Variants in STAC observed in about 807,000 individuals in gnomAD.
STAC encodes SH3 and cysteine rich domain, also known as SH3 and cysteine-rich domain-containing protein.
In STAC, 43 loss-of-function variants were observed where a neutral mutation model predicts 48.8. The ratio of observed to expected loss-of-function variants is 0.88; its 90% CI spans 0.69 to 1.14. The LOEUF is 1.14. Among genes scored for constraint, STAC ranks in the 50% most tolerant of loss-of-function variants. The pLI is 0.00. For synonymous variants in STAC, 193 were observed against 179.5 expected (o/e 1.07, Z -0.60); for missense variants, 497 against 504.0 (o/e 0.99, Z 0.13).
chr3:36,546,364 C>A lies in STAC; in HGVS notation c.*75C>A. ...CTGCCTCATCTCACACTGCGTCAAC[C>A]CAAAGGAGCTGCCGCACTGACCCAG... On this transcript the variant is annotated 3_prime_UTR_variant, in exon 11 of 11. Coordinates refer to ENST00000273183, the MANE Select transcript of STAC (RefSeq NM_003149.3). 3.8e-6 allele frequency: 5 copies of A among 1,319,176 alleles called. No individual in the cohort carries two copies. Among genetic ancestry groups the A allele is most frequent in the Non-Finnish European group, 5.5e-6 (5 of 913,592 alleles). 81.7% of individuals were successfully genotyped at this position (1,319,176 alleles called of 1,614,324 possible). A position where few individuals can be genotyped will look rare whatever the true frequency, so the allele number is the denominator to read the frequency against.
intron 1 of STAC, among the ~76,000 whole-genome samples, chr3:36,416,225 A>G (rs1044953483): frequency 2.0e-5 from 3 of 152,128 alleles, no homozygotes; most frequent in African/African-American, 7.2e-5. Flanking sequence ...AATCTTAGCT[A>G]CTCTGGAAGC....
At chr3:36,454,967 C>T (rs1160104808) in intron 2 of STAC, among the ~76,000 whole-genome samples, 2 of 152,056 alleles carry the variant, frequency 1.3e-5, no homozygotes, top group Non-Finnish European at 2.9e-5. Flanking sequence ...TTTTTCCTGC[C>T]CCTAAAAAGA....
At chr3:36,424,722 G>A in intron 1 of STAC, among the ~76,000 whole-genome samples, 1 of 152,042 alleles carries the variant, frequency 6.6e-6, no homozygotes, top group East Asian at 1.9e-4. Flanking sequence ...TGGGGAAAGG[G>A]GCATGCCAAA....
intron 2 of STAC, among the ~76,000 whole-genome samples, chr3:36,480,081 A>G (rs1384263416): frequency 6.6e-6 from 1 of 152,230 alleles, no homozygotes; most frequent in Non-Finnish European, 1.5e-5. Context: ...TGAATAAAAT[A>G]TATATATTTT....
At chr3:36,383,346 T>C (rs73054112) in intron 1 of STAC, among the ~76,000 whole-genome samples, 1 of 151,976 alleles carries the variant, frequency 6.6e-6, no homozygotes, top group African/African-American at 2.4e-5. Flanking sequence ...AAATTTATTA[T>C]GGAAAATTTT....
Position 36,515,039 on chromosome 3 carries a change from A to AAATAATAAT in STAC, c.920+9225_920+9233dup, listed in dbSNP as rs142944670. Among the ~76,000 whole-genome samples the AAATAATAAT allele has an allele frequency of 5.5e-3, 809 of 147,848 alleles. 6 individuals are homozygous for AAATAATAAT. Among genetic ancestry groups the AAATAATAAT allele is most frequent in the African/African-American group, 0.017 (687 of 39,970 alleles). ...GGTGACAGAGCAAGACTCTGTCTCC[A>AAATAATAAT]AATAATAATAATAATAATAATAATA... On this transcript the variant is annotated intron_variant, in intron 8 of 10. Coordinates refer to ENST00000273183, the MANE Select transcript of STAC (RefSeq NM_003149.3).
intron 1 of STAC, among the ~76,000 whole-genome samples, chr3:36,415,458 A>G (rs1175901018): frequency 6.6e-6 from 1 of 152,140 alleles, no homozygotes; most frequent in African/African-American, 2.4e-5. Context: ...GGCGTGGGAT[A>G]TAATCTCCTG....
At chr3:36,403,809 C>A (rs114357051) in intron 1 of STAC, among the ~76,000 whole-genome samples, 280 of 152,154 alleles carry the variant, frequency 1.8e-3, no homozygotes, top group Non-Finnish European at 3.3e-3. Flanking sequence ...AGATTCTGAG[C>A]AGAAAGTCTA....
intron 3 of STAC, among the ~76,000 whole-genome samples, chr3:36,483,729 A>G (rs1413651253): frequency 6.6e-6 from 1 of 152,190 alleles, no homozygotes; most frequent in Non-Finnish European, 1.5e-5. Context: ...AGGTGGGTTG[A>G]TCCCTTAAGC....
intron 1 of STAC, among the ~76,000 whole-genome samples, chr3:36,392,832 C>T (rs564692019): frequency 1.3e-5 from 2 of 152,306 alleles, no homozygotes; most frequent in East Asian, 1.9e-4. Context: ...TCAGCAGTCA[C>T]CTCCCAATCC....
At chr3:36,459,400 G>A (rs1175948954) in intron 2 of STAC, 1 of 152,126 alleles carries the variant, frequency 6.6e-6, no homozygotes, top group African/African-American at 2.4e-5. Context: ...GGATGAATAG[G>A]AGTTAATGAC....
chr3:36,418,838 G>A (rs1026786288), intron 1 of STAC, among the ~76,000 whole-genome samples: 9 of 151,770 alleles, frequency 5.9e-5, no homozygotes, highest in East Asian at 1.9e-4. Context: ...ACCTGAGGTC[G>A]GGAGATGGAG....
In STAC at chr3:36,546,676, T is replaced by C. The variant is rs17188371; in HGVS notation, c.*387T>C. On this transcript the variant is annotated 3_prime_UTR_variant, in exon 11 of 11. Transcript: ENST00000273183. ...AGTGCAAGGTTCAGATCCATGTAGCTAAGTATTATCCTGCTTCCAGACCTA... is the reference window on the plus strand; with the variant it reads ...AGTGCAAGGTTCAGATCCATGTAGCCAAGTATTATCCTGCTTCCAGACCTA... 25,890 of 223,840 alleles carry C rather than the reference T, an allele frequency of 0.12. 1,821 individuals carry two copies. Among genetic ancestry groups the C allele is most frequent in the Non-Finnish European group, 0.15 (16,442 of 111,860 alleles). 13.9% of individuals were successfully genotyped at this position (223,840 alleles called of 1,614,324 possible).
chr3:36,476,673 T>C (rs1697503324), intron 2 of STAC, among the ~76,000 whole-genome samples: 1 of 152,206 alleles, frequency 6.6e-6, no homozygotes, highest in Non-Finnish European at 1.5e-5. Context: ...ATTAGGCCTG[T>C]TTTTATTGTC....
intron 10 of STAC, among the ~76,000 whole-genome samples, chr3:36,538,429 CAG>C (rs1425784290): frequency 1.3e-5 from 2 of 152,092 alleles, no homozygotes; most frequent in African/African-American, 4.8e-5. Flanking sequence ...ATTGGATATT[CAG>C]AGTTTTTATT....
intron 1 of STAC, among the ~76,000 whole-genome samples, chr3:36,386,472 T>C (rs1460757464): frequency 6.9e-6 from 1 of 144,260 alleles, no homozygotes; most frequent in Non-Finnish European, 1.6e-5. Context: ...GTCTAATTCT[T>C]ACATTTTTCT....
intron 1 of STAC, among the ~76,000 whole-genome samples, chr3:36,409,919 G>A (rs1386727286): frequency 1.3e-5 from 2 of 152,258 alleles, no homozygotes; most frequent in Admixed American, 1.3e-4. Context: ...GAATAGGTTA[G>A]CAGTAGGTCT....
chr3:36,408,999 T>C (rs1317660648), intron 1 of STAC, among the ~76,000 whole-genome samples: 1 of 152,094 alleles, frequency 6.6e-6, no homozygotes, highest in African/African-American at 2.4e-5. Context: ...CTTCACATAA[T>C]ATAGTGGGAA....
In STAC at chr3:36,421,661, G is replaced by A. The variant is rs114875378; in HGVS notation, c.112-21703G>A. 3.4e-3 allele frequency among the ~76,000 whole-genome samples: 509 copies of A among 151,788 alleles called. 4 individuals are homozygous for A. Among genetic ancestry groups the A allele is most frequent in the African/African-American group, 0.011 (472 of 41,380 alleles). On this transcript the variant is annotated intron_variant, in intron 1 of 10. Coordinates refer to ENST00000273183, the MANE Select transcript of STAC (RefSeq NM_003149.3). ...CCATAGTCATTCTGAAGTCTTCTTC[G>A]GGATCCAATTATTCATTTATATCTT...
Sources: allele counts gnomAD v4.1 joint callset (sites outside exome capture counted in the v4.1 genomes callset), GRCh38; gene constraint gnomAD v4.1.1; transcripts MANE v1.5; gene names NCBI Gene and HGNC (gene_info 2026-07-23, HGNC 2026-07-21).